Variants in ANKFY1 observed in about 807,000 individuals in gnomAD.
ANKFY1 encodes ankyrin repeat and FYVE domain containing 1.
Under a neutral mutation model 128.3 loss-of-function variants are expected in ANKFY1, and 47 were observed. That is an observed-to-expected ratio of 0.37 (90% CI 0.29 to 0.47). ANKFY1 has a LOEUF of 0.47. Among genes scored for constraint, ANKFY1 ranks in the 20% least tolerant of loss-of-function variants. The pLI is 1.00. For synonymous variants in ANKFY1, 553 were observed against 601.6 expected (o/e 0.92, Z 1.18); for missense variants, 1,222 against 1,510.6 (o/e 0.81, Z 3.17).
chr17:4,211,923 C>A (rs77588616), intron 4 of ANKFY1, among the ~76,000 whole-genome samples: 287 of 19,866 alleles, frequency 0.014, no homozygotes, highest in Non-Finnish European at 0.043. Flanking sequence ...AACAAACAAA[C>A]AAAAAACATC....
rs1338086000 is a variant in ANKFY1 at position 4,242,266 on chromosome 17, C to G, written c.193G>C (p.Glu65Gln). The change falls in exon 2 of 25, where the codon GAG becomes CAG. Residue 65 changes from glutamate to glutamine, a missense_variant. Coordinates refer to ENST00000341657, the MANE Select transcript of ANKFY1 (RefSeq NM_001330063.2). ...LAIVADLYEQ[E>Q]QYSDLKIKVG... ...TAGGAGCTCTCCCACCTGTACTGCTCCTGCTCGTAGAGGTCTGCCACGATG... is the reference window on the plus strand; with the variant it reads ...TAGGAGCTCTCCCACCTGTACTGCTGCTGCTCGTAGAGGTCTGCCACGATG... 1.9e-6 allele frequency: 3 copies of G among 1,581,490 alleles called. No homozygotes were observed. Among genetic ancestry groups the G allele is most frequent in the Non-Finnish European group, 2.6e-6 (3 of 1,168,496 alleles).
At chr17:4,239,894 C>CT (rs1157921312) in intron 2 of ANKFY1, among the ~76,000 whole-genome samples, 2 of 152,102 alleles carry the variant, frequency 1.3e-5, no homozygotes, top group Non-Finnish European at 2.9e-5. Flanking sequence ...TTCTATCCCC[C>CT]TAGTGGCTCA....
chr17:4,223,461 A>G, intron 3 of ANKFY1: 1 of 1,214,074 alleles, frequency 8.2e-7, no homozygotes, highest in Non-Finnish European at 1.2e-6. Flanking sequence ...CTTCAAGTTA[A>G]GATCACAGAC....
intron 3 of ANKFY1, among the ~76,000 whole-genome samples, chr17:4,230,868 C>A (rs2060501670): frequency 6.6e-6 from 1 of 152,174 alleles, no homozygotes; most frequent in Non-Finnish European, 1.5e-5. Flanking sequence ...TACTCATCTT[C>A]CCCTATTATT....
intron 17 of ANKFY1, chr17:4,179,274 G>C: frequency 1.7e-6 from 1 of 597,438 alleles, no homozygotes; most frequent in Non-Finnish European, 3.0e-6. Context: ...CGTAGGACCA[G>C]CACAAACATG....
In ANKFY1 at chr17:4,167,926, A is replaced by G; in HGVS notation, c.3378-15T>C. On this transcript the variant is annotated splice_polypyrimidine_tract_variant and intron_variant, in intron 24 of 24. Transcript: ENST00000341657. This position sits in a 1 kb window ranked among gnomAD's most constrained non-coding sequence, Gnocchi z 4.1. ...CGCAGTGACGACTGTGGAAGCAAAG[A>G]AAGGAAGTATGAGAGGAGCGCCAAC... 6.2e-7 allele frequency: 1 copy of G among 1,611,426 alleles called. No individual in the cohort carries two copies. Among genetic ancestry groups the G allele is most frequent in the Non-Finnish European group, 8.5e-7 (1 of 1,178,518 alleles).
intron 2 of ANKFY1, among the ~76,000 whole-genome samples, chr17:4,239,040 G>A (rs1967065209): frequency 2.0e-5 from 3 of 152,202 alleles, no homozygotes; most frequent in South Asian, 4.1e-4. Context: ...TTACAGGAGT[G>A]AGCCACCACG....
chr17:4,237,203 G>A (rs1202731259), intron 2 of ANKFY1, among the ~76,000 whole-genome samples: 2 of 151,962 alleles, frequency 1.3e-5, no homozygotes, highest in South Asian at 2.1e-4. Context: ...CACATTCTAC[G>A]CTACAAGAGT....
At chr17:4,243,532 A>C (rs1406177140) in intron 1 of ANKFY1, among the ~76,000 whole-genome samples, 1 of 152,114 alleles carries the variant, frequency 6.6e-6, no homozygotes, top group African/African-American at 2.4e-5. Context: ...TGAGGTAGGT[A>C]CTGCTGTATA....
intron 10 of ANKFY1, chr17:4,191,173 C>T (rs2059709208): frequency 6.6e-6 from 1 of 152,274 alleles, no homozygotes. Flanking sequence ...CAAAGTACTA[C>T]TTTGCTTTCA....
intron 20 of ANKFY1, 92 bp from the exon 21 acceptor site, chr17:4,173,536 G>C: frequency 9.7e-6 from 12 of 1,231,496 alleles, no homozygotes. Context: ...TCTGTAAATG[G>C]GACCCGGCCA....
chr17:4,197,672 G>C (rs2059851124), intron 7 of ANKFY1, 95 bp from the exon 8 acceptor site: 1 of 1,150,452 alleles, frequency 8.7e-7, no homozygotes, highest in Non-Finnish European at 1.3e-6. Context: ...AGACAAAGGA[G>C]AGCGATAACT....
chr17:4,242,375 C>A lies in ANKFY1; in HGVS notation c.84G>T (p.Ala28=), dbSNP rs375008056. Residue 28 remains alanine, a synonymous_variant, in exon 2 of 25, where the codon GCG becomes GCT. Coordinates refer to ENST00000341657, the MANE Select transcript of ANKFY1 (RefSeq NM_001330063.2). ...QEYVKLQKKL[A]ETEKRCALLA... is the part of the protein sequence containing the mutation. ...AGAGAGCGCAGCGCTTCTCTGTCTC[C>A]GCCAGCTTCTTCTGCAGCTTGACAT... The A allele has an allele frequency of 3.1e-6, 5 of 1,604,632 alleles. No homozygotes were observed. The highest frequency in any genetic ancestry group is 1.7e-6 in the Non-Finnish European group (2 of 1,176,328).
intron 1 of ANKFY1, chr17:4,263,468 ACCCC>A: frequency 2.6e-6 from 1 of 386,872 alleles, no homozygotes; most frequent in Non-Finnish European, 4.5e-6. Context: ...CCTCGCCCCC[ACCCC>A]ACCCCACCTC....
intron 4 of ANKFY1, 49 bp from the exon 5 acceptor site, chr17:4,209,996 C>A (rs1310569639): frequency 1.3e-6 from 2 of 1,562,776 alleles, no homozygotes; most frequent in East Asian, 4.6e-5. Context: ...AAATAATTCA[C>A]AAACGAACAA....
chr17:4,185,001 G>C lies in ANKFY1; in HGVS notation c.1516C>G (p.Leu506Val). 6.2e-7 allele frequency: 1 copy of C among 1,613,816 alleles called. No individual in the cohort carries two copies. Among genetic ancestry groups the C allele is most frequent in the Non-Finnish European group, 8.5e-7 (1 of 1,180,038 alleles). The change falls in exon 12 of 25, where the codon CTC (leucine) becomes GTC (valine). Residue 506 changes from leucine (L) to valine (V), a missense_variant. Leu to Val is a conservative substitution (Grantham distance 32). Transcript: ENST00000341657. The stretch of plus-strand genomic sequence containing the variant: ...CCTTGCTGCAGGAGCTCTGCCGTGA[G>C]GTTGGCCAGGCCATGCCGACACGCT... The part of the protein sequence containing the change: ...HTACRHGLAN[L>V]TAELLQQGAN...
chr17:4,189,132 G>T (rs1195879545), intron 11 of ANKFY1, among the ~76,000 whole-genome samples: 5 of 152,150 alleles, frequency 3.3e-5, no homozygotes. Flanking sequence ...ATCTAGTTCG[G>T]GGTCTGATAA....
At chr17:4,177,839 C>T (rs546870057) in intron 18 of ANKFY1, 1 of 152,676 alleles carries the variant, frequency 6.5e-6, no homozygotes, top group East Asian at 1.9e-4. Flanking sequence ...ACAGCAGGGC[C>T]CGGGCTTTGC....
Position 4,197,381 on chromosome 17 carries a change from G to T in ANKFY1, c.1095C>A (p.Ser365Arg). Reference sequence around the variant, plus strand: ...TCTGCTCCCCAGCTTACCTCCCCTTGCTGTCCTGCATGTTGGGGTTGGCAC... The same window carrying T: ...TCTGCTCCCCAGCTTACCTCCCCTTTCTGTCCTGCATGTTGGGGTTGGCAC... ...QAGANPNMQD[S>R]KGRTPLHVSI... The change falls in exon 8 of 25, where the codon AGC becomes AGA. Residue 365 changes from serine to arginine, a missense_variant. Coordinates refer to ENST00000341657, the MANE Select transcript of ANKFY1 (RefSeq NM_001330063.2). 6.2e-7 allele frequency: 1 copy of T among 1,614,088 alleles called. No individual in the cohort carries two copies. Among genetic ancestry groups the T allele is most frequent in the Non-Finnish European group, 8.5e-7 (1 of 1,180,024 alleles).
Sources: allele counts gnomAD v4.1 joint callset (sites outside exome capture counted in the v4.1 genomes callset), GRCh38; gene constraint gnomAD v4.1.1; non-coding constraint Gnocchi (gnomAD v3.1); transcripts MANE v1.5; gene names NCBI Gene and HGNC (gene_info 2026-07-23, HGNC 2026-07-21).